Variants in DSCAML1 observed in about 807,000 individuals in gnomAD.
The protein encoded by DSCAML1 is DS cell adhesion molecule like 1.
In DSCAML1, 38 loss-of-function variants were observed where a neutral mutation model predicts 200.5. That is an observed-to-expected ratio of 0.19 (90% CI 0.15 to 0.25). DSCAML1 has a LOEUF of 0.25. DSCAML1 is among the 10% of genes least tolerant of loss of function. The pLI, the probability that DSCAML1 is intolerant of heterozygous loss-of-function variation, is 1.00. For synonymous variants in DSCAML1, 1,215 were observed against 1,165.0 expected (o/e 1.04, Z -0.87); for missense variants, 2,223 against 2,858.8 (o/e 0.78, Z 5.07).
chr11:117,447,509 AAGTAC>A (rs2048204187), intron 20 of DSCAML1, among the ~76,000 whole-genome samples: 1 of 151,970 alleles, frequency 6.6e-6, no homozygotes, highest in East Asian at 1.9e-4. Context: ...TATCTGTAGG[AAGTAC>A]AAGTAATTTT....
At chr11:117,691,226 G>A (rs1339336561) in intron 3 of DSCAML1, among the ~76,000 whole-genome samples, 1 of 152,110 alleles carries the variant, frequency 6.6e-6, no homozygotes, top group Admixed American at 6.5e-5. Context: ...CTGCACACGG[G>A]GATCCTAGGG....
At chr11:117,583,989 C>T (rs555593746) in intron 3 of DSCAML1, among the ~76,000 whole-genome samples, 2 of 152,326 alleles carry the variant, frequency 1.3e-5, no homozygotes, top group Admixed American at 6.5e-5. Flanking sequence ...CCCCTGTACA[C>T]GGCCTGCAGG....
intron 11 of DSCAML1, among the ~76,000 whole-genome samples, chr11:117,493,014 G>A (rs749325831): frequency 1.3e-5 from 2 of 152,180 alleles, no homozygotes; most frequent in Non-Finnish European, 2.9e-5. Flanking sequence ...GGGGAGCTGG[G>A]GCCCATGGGA....
chr11:117,546,025 T>C (rs1353457243), intron 3 of DSCAML1, among the ~76,000 whole-genome samples: 1 of 152,214 alleles, frequency 6.6e-6, no homozygotes, highest in Non-Finnish European at 1.5e-5. Flanking sequence ...TGCGAACTTG[T>C]GCGAGGCACG....
chr11:117,499,657 C>T (rs1015648205), intron 11 of DSCAML1, among the ~76,000 whole-genome samples: 6 of 152,198 alleles, frequency 3.9e-5, no homozygotes, highest in African/African-American at 7.2e-5. Context: ...GGTATGGGAA[C>T]GGCTTTGTAA....
chr11:117,785,549 G>T (rs1300454466), intron 1 of DSCAML1, among the ~76,000 whole-genome samples: 1 of 152,132 alleles, frequency 6.6e-6, no homozygotes, highest in African/African-American at 2.4e-5. Context: ...GTGGAAGACA[G>T]TTGGGGGTCG....
chr11:117,670,459 G>T (rs2053081324), intron 3 of DSCAML1, among the ~76,000 whole-genome samples: 1 of 152,216 alleles, frequency 6.6e-6, no homozygotes, highest in East Asian at 1.9e-4. Context: ...GCTGGACCAG[G>T]GTGGGCCAGG....
chr11:117,429,473 G>T (rs372008424), intron 32 of DSCAML1, among the ~76,000 whole-genome samples: 1 of 140,184 alleles, frequency 7.1e-6, no homozygotes, highest in Admixed American at 7.1e-5. Context: ...GCATGATCTC[G>T]GCTCACTGCA....
chr11:117,523,030 T>C (rs1277354907), intron 5 of DSCAML1, among the ~76,000 whole-genome samples: 1 of 152,144 alleles, frequency 6.6e-6, no homozygotes, highest in Non-Finnish European at 1.5e-5. Flanking sequence ...TGTGAGAGTG[T>C]ACTTGGATAT....
chr11:117,562,278 C>A (rs2050677798), intron 3 of DSCAML1, among the ~76,000 whole-genome samples: 1 of 152,186 alleles, frequency 6.6e-6, no homozygotes, highest in South Asian at 2.1e-4. Flanking sequence ...CCCCAAGCCT[C>A]TCATATGCCT....
chr11:117,668,192 G>C (rs71480353), intron 3 of DSCAML1, among the ~76,000 whole-genome samples: 3,137 of 152,326 alleles, frequency 0.021, 50 homozygotes, highest in South Asian at 0.062. Context: ...TGAGGAATGA[G>C]ACAGATGTGG....
At chr11:117,494,678 A>G (rs1565738563) in intron 11 of DSCAML1, among the ~76,000 whole-genome samples, 1 of 152,208 alleles carries the variant, frequency 6.6e-6, no homozygotes, top group South Asian at 2.1e-4. Flanking sequence ...GTCTTTGCAG[A>G]TGTAATCAAG....
intron 3 of DSCAML1, among the ~76,000 whole-genome samples, chr11:117,725,344 C>T (rs2054106881): frequency 6.6e-6 from 1 of 152,146 alleles, no homozygotes; most frequent in South Asian, 2.1e-4. Context: ...GTTCACCTGC[C>T]GTCCATCCCT....
intron 3 of DSCAML1, among the ~76,000 whole-genome samples, chr11:117,689,208 G>A (rs1289092874): frequency 1.3e-5 from 2 of 152,224 alleles, no homozygotes; most frequent in Non-Finnish European, 2.9e-5. Context: ...AGACAGAAAC[G>A]TTTAAGGGAC....
chr11:117,673,456 G>A lies in DSCAML1; in HGVS notation c.511+103335C>T, dbSNP rs1340652036. Among the ~76,000 whole-genome samples, 3 of 152,128 alleles carry A rather than the reference G, an allele frequency of 2.0e-5. No individual in the cohort carries two copies. The East Asian group carries it at 5.8e-4, about 29-fold the overall frequency. ...ATGCTTGAGAGAGTGCTTTTCATGGGGGTTTATCCCAAGTGCAGATGGTCT... is the reference window on the plus strand; with the variant it reads ...ATGCTTGAGAGAGTGCTTTTCATGGAGGTTTATCCCAAGTGCAGATGGTCT... On this transcript the variant is annotated intron_variant, in intron 3 of 32. Transcript: ENST00000651296.
At chr11:117,532,298 G>T in intron 4 of DSCAML1, 78 bp downstream of exon 4, 1 of 1,462,800 alleles carries the variant, frequency 6.8e-7, no homozygotes, top group East Asian at 2.3e-5. Flanking sequence ...ATCTGCGGTG[G>T]GGCGTGCCAA....
At chr11:117,493,072 A>AC (rs2049218362) in intron 11 of DSCAML1, among the ~76,000 whole-genome samples, 1 of 152,150 alleles carries the variant, frequency 6.6e-6, no homozygotes, top group South Asian at 2.1e-4. Flanking sequence ...ACTGGGCCGA[A>AC]CAGTATGTGT....
At chr11:117,688,357 G>A (rs1245617508) in intron 3 of DSCAML1, among the ~76,000 whole-genome samples, 1 of 152,186 alleles carries the variant, frequency 6.6e-6, no homozygotes, top group East Asian at 1.9e-4. Flanking sequence ...GTGTTCTCGG[G>A]GATGGGCCCA....
chr11:117,467,193 A>ACCCCCCCCCCC (rs757481843), intron 16 of DSCAML1, among the ~76,000 whole-genome samples: 73 of 109,510 alleles, frequency 6.7e-4, no homozygotes, highest in African/African-American at 1.9e-3. Flanking sequence ...GTGCACACAC[A>ACCCCCCCCCCC]CCTCCCCCCT....
Sources: gnomAD v4.1 joint callset for allele counts (sites outside exome capture counted in the v4.1 genomes callset) on GRCh38, gnomAD v4.1.1 for gene constraint, MANE v1.5 for transcripts, NCBI Gene and HGNC (gene_info 2026-07-23, HGNC 2026-07-21) for gene names.